The following FAM153A variants were observed in gnomAD, a reference collection of about 807,000 sequenced individuals.
The protein encoded by FAM153A is family with sequence similarity 153 member A.
A neutral mutation model predicts 48.1 loss-of-function variants in FAM153A; 12 were observed. The observed-to-expected ratio is 0.25, with a 90% confidence interval of 0.16 to 0.40. The LOEUF (loss-of-function observed/expected upper bound fraction) is 0.40. Among genes scored for constraint, FAM153A ranks in the 10% least tolerant of loss-of-function variants. The pLI is 1.00. For synonymous variants in FAM153A, 36 were observed against 118.2 expected (o/e 0.30, Z 4.51); for missense variants, 111 against 345.8 (o/e 0.32, Z 5.38).
At chr5:177,755,041 T>C (rs1200054232), upstream of FAM153A, among the ~76,000 whole-genome samples, 1 of 151,862 alleles carries the variant, frequency 6.6e-6, no homozygotes, top group Admixed American at 6.6e-5. Context: ...TTCTCTGAGC[T>C]AAAGGAGGAA....
chr5:177,749,158 A>G (rs1766488241), intron 2 of FAM153A, among the ~76,000 whole-genome samples: 1 of 150,596 alleles, frequency 6.6e-6, no homozygotes, highest in South Asian at 2.1e-4. Context: ...TATTATTTTA[A>G]TAATCAAGTG....
exon 26 of FAM153A, chr5:177,713,830 C>T (rs1264569459): frequency 2.6e-5 from 4 of 151,946 alleles, no homozygotes; most frequent in Admixed American, 1.3e-4. Context: ...GGCCTAGCAG[C>T]AAAGGGACTC....
upstream of FAM153A, among the ~76,000 whole-genome samples, chr5:177,757,584 T>C (rs1448528437): frequency 1.3e-5 from 2 of 151,460 alleles, no homozygotes; most frequent in South Asian, 4.2e-4. Flanking sequence ...CTCAATAAAA[T>C]ACTGGCAAAC....
chr5:177,710,175 T>C (rs574972729), downstream of FAM153A, among the ~76,000 whole-genome samples: 72 of 151,172 alleles, frequency 4.8e-4, 1 homozygote, highest in South Asian at 4.8e-3. Context: ...TGCAATAGCA[T>C]GATCTCGGCT....
chr5:177,768,813 C>T (rs1367044626), intron 1 of FAM153A, among the ~76,000 whole-genome samples: 1 of 112,148 alleles, frequency 8.9e-6, no homozygotes, highest in Admixed American at 9.0e-5. Flanking sequence ...GTCATCAACA[C>T]GGTCTCCTCC....
intron 1 of FAM153A, among the ~76,000 whole-genome samples, chr5:177,768,778 C>T (rs1768914626): frequency 9.2e-6 from 1 of 108,760 alleles, no homozygotes; most frequent in Non-Finnish European, 1.9e-5. Flanking sequence ...AGTGCACCCA[C>T]ACTGCACATG....
At chr5:177,759,065 C>T (rs975967296) in intron 1 of FAM153A, among the ~76,000 whole-genome samples, 2 of 151,748 alleles carry the variant, frequency 1.3e-5, no homozygotes, top group Non-Finnish European at 2.9e-5. Context: ...AAAATTTTTG[C>T]AATCTACTCA....
At chr5:177,716,933 A>G (rs549929521) in intron 24 of FAM153A, among the ~76,000 whole-genome samples, 1 of 149,226 alleles carries the variant, frequency 6.7e-6, no homozygotes, top group South Asian at 2.1e-4. Flanking sequence ...CAGGTAGCTG[A>G]GGCCACAGTA....
At chr5:177,738,658 CT>C (rs1177626792) in intron 10 of FAM153A, among the ~76,000 whole-genome samples, 1 of 151,242 alleles carries the variant, frequency 6.6e-6, no homozygotes, top group Non-Finnish European at 1.5e-5. Context: ...TCTGCACTAT[CT>C]CCAGCTGCGT....
rs1769391483 is a variant in FAM153A, at chr5:177,778,276, A to AAAG, written c.-57+2172_-57+2173insCTT. Among the ~76,000 whole-genome samples the AAAG allele has an allele frequency of 8.2e-5, 7 of 85,428 alleles. 3 individuals carry two copies. The East Asian group carries it at 2.0e-3, about 25-fold the overall frequency. The allele number at this position is 85,428 out of a possible 152,430, so 56.0% of individuals were successfully genotyped here. A position where few individuals can be genotyped will look rare whatever the true frequency, so the allele number is the denominator to read the frequency against. ...TAGAGTATAATAAAAAAAAAAAAAA[A>AAAG]AAAAAAAAAGAAATAAGTGAAGCAA... On this transcript the variant is annotated intron_variant, in intron 1 of 8. Coordinates refer to the FAM153A transcript ENST00000393518.
intron 1 of FAM153A, among the ~76,000 whole-genome samples, chr5:177,762,487 T>G (rs1768386541): frequency 7.0e-6 from 1 of 143,244 alleles, no homozygotes; most frequent in African/African-American, 2.6e-5. Flanking sequence ...TGAGACCCAC[T>G]GCAGCTCTGG....
intron 13 of FAM153A, 126 bp downstream of exon 15, chr5:177,734,737 C>T (rs1764413983): frequency 1.3e-6 from 2 of 1,519,338 alleles, no homozygotes; most frequent in East Asian, 4.6e-5. Flanking sequence ...TCTCACTTAC[C>T]ATTTCCCTCA....
downstream of FAM153A, chr5:177,706,897 T>C (rs1757927473): frequency 6.6e-6 from 1 of 151,948 alleles, no homozygotes; most frequent in Non-Finnish European, 1.5e-5. Flanking sequence ...TGAGTATGTA[T>C]AGCTGTGCTT....
the FAM153A span, among the ~76,000 whole-genome samples, chr5:177,701,982 A>C: frequency 1.3e-5 from 2 of 150,604 alleles, no homozygotes; most frequent in Non-Finnish European, 2.9e-5. Context: ...ATCTCGGCTC[A>C]CTGCAAGCTC....
intron 10 of FAM153A, among the ~76,000 whole-genome samples, chr5:177,738,103 G>T (rs546526324): frequency 6.6e-6 from 1 of 151,252 alleles, no homozygotes; most frequent in African/African-American, 2.5e-5. Context: ...AGCAGGTGGG[G>T]GCGCTGAACC....
At chr5:177,722,165 G>A (rs1241427928), downstream of FAM153A, 16 of 126,978 alleles carry the variant, frequency 1.3e-4, no homozygotes, top group East Asian at 3.4e-3. Flanking sequence ...GTCTCACTCT[G>A]TAGCCAGGTG....
Position 177,741,692 on chromosome 5 carries a change from T to C in FAM153A, c.365-360A>G, listed in dbSNP as rs1397532147. Among the ~76,000 whole-genome samples, 26 of 31,920 alleles carry C rather than the reference T, an allele frequency of 8.1e-4. 1 individual carries two copies. The highest frequency in any genetic ancestry group is 2.9e-3 in the African/African-American group (26 of 8,878). 20.9% of individuals were successfully genotyped at this position (31,920 alleles called of 152,430 possible). A position where few individuals can be genotyped will look rare whatever the true frequency, so the allele number is the denominator to read the frequency against. ...CTCTTGCACTTTCCATTCATTTTATTGAACTTCAGACATTGTTGTGGTAAA... is the reference window on the plus strand; with the variant it reads ...CTCTTGCACTTTCCATTCATTTTATCGAACTTCAGACATTGTTGTGGTAAA... On this transcript the variant is annotated intron_variant, in intron 6 of 20. Coordinates refer to ENST00000614127, the Ensembl canonical transcript of FAM153A.
At chr5:177,704,943 G>GT (rs1400914410), downstream of FAM153A, among the ~76,000 whole-genome samples, 1 of 151,234 alleles carries the variant, frequency 6.6e-6, no homozygotes, top group Non-Finnish European at 1.5e-5. Context: ...GGAGGGTGCA[G>GT]TGAGCCAAGA....
At chr5:177,744,842 C>T in intron 5 of FAM153A, 46 bp downstream of exon 7, 1 of 1,313,754 alleles carries the variant, frequency 7.6e-7, no homozygotes, top group Non-Finnish European at 1.0e-6. Context: ...TAAGATAAAG[C>T]TAAGAAAGCA....
Sources: gnomAD v4.1 joint callset for allele counts (sites outside exome capture counted in the v4.1 genomes callset) on GRCh38, gnomAD v4.1.1 for gene constraint, MANE v1.5 for transcripts, NCBI Gene and HGNC (gene_info 2026-07-23, HGNC 2026-07-21) for gene names.